The following DNAJC12 variants were observed in gnomAD, a reference collection of about 807,000 sequenced individuals.
DNAJC12 encodes dnaJ homolog subfamily C member 12.
Under a neutral mutation model 28.5 loss-of-function variants are expected in DNAJC12, and 25 were observed. The ratio of observed to expected loss-of-function variants is 0.88; its 90% confidence interval spans 0.64 to 1.22. DNAJC12 has a LOEUF of 1.22. Among genes scored for constraint, DNAJC12 ranks in the 50% most tolerant of loss-of-function variants. The pLI is 0.00. For synonymous variants in DNAJC12, 77 were observed against 80.6 expected (o/e 0.95, Z 0.24); for missense variants, 222 against 231.7 (o/e 0.96, Z 0.27).
At chr10:67,811,738 C>A in intron 2 of DNAJC12, 75 bp from the exon 3 acceptor site, 1 of 1,535,952 alleles carries the variant, frequency 6.5e-7, no homozygotes, top group South Asian at 1.3e-5. Flanking sequence ...TCCAACTGCT[C>A]TTACTAAAAC....
intron 3 of DNAJC12, among the ~76,000 whole-genome samples, chr10:67,806,911 T>C (rs1841808339): frequency 6.6e-6 from 1 of 152,110 alleles, no homozygotes. Context: ...TTACATCTTT[T>C]GTTTTTGTAT....
At chr10:67,814,635 GA>G (rs1841896207) in intron 2 of DNAJC12, among the ~76,000 whole-genome samples, 1 of 152,164 alleles carries the variant, frequency 6.6e-6, no homozygotes, top group Non-Finnish European at 1.5e-5. Flanking sequence ...CTTATATCTA[GA>G]ATTTATAGAG....
chr10:67,809,328 C>T lies in DNAJC12; in HGVS notation c.297+2196G>A, dbSNP rs978860996. ...TTTAGCATGACAAAGATACATTTCC[C>T]TAAGATTCTCTGGAATCCTGGGATA... On this transcript the variant is annotated intron_variant, in intron 3 of 4. Transcript: ENST00000225171. 7.2e-5 allele frequency among the ~76,000 whole-genome samples: 11 copies of T among 152,190 alleles called. No individual in the cohort carries two copies. In the South Asian group the frequency reaches 1.5e-3, roughly 20 times the overall value.
At chr10:67,801,914 T>G (rs1841750414) in intron 4 of DNAJC12, among the ~76,000 whole-genome samples, 1 of 125,078 alleles carries the variant, frequency 8.0e-6, no homozygotes, top group Admixed American at 1.0e-4. Context: ...CAGGCTGGAG[T>G]GCAGTGGCAG....
chr10:67,830,205 G>A (rs1842078936), intron 1 of DNAJC12, among the ~76,000 whole-genome samples: 2 of 152,218 alleles, frequency 1.3e-5, no homozygotes, highest in South Asian at 4.1e-4. Context: ...CAGCTACTTG[G>A]GAGGCTGAGA....
At chr10:67,813,995 G>A (rs1841888783) in intron 2 of DNAJC12, among the ~76,000 whole-genome samples, 2 of 147,390 alleles carry the variant, frequency 1.4e-5, no homozygotes, top group Admixed American at 1.4e-4. Context: ...TGACAATCTA[G>A]TCCTAAAATC....
At chr10:67,801,684 G>A (rs1841745935) in intron 4 of DNAJC12, among the ~76,000 whole-genome samples, 1 of 151,310 alleles carries the variant, frequency 6.6e-6, no homozygotes, top group Non-Finnish European at 1.5e-5. Flanking sequence ...CAGCTACTTG[G>A]GAGGCTGAGG....
chr10:67,805,835 G>T (rs2131792195), intron 3 of DNAJC12, 48 bp from the exon 4 acceptor site: 2 of 1,409,090 alleles, frequency 1.4e-6, no homozygotes, highest in East Asian at 2.5e-5. Context: ...GATATTATAT[G>T]ATTTTCTATA....
intron 3 of DNAJC12, among the ~76,000 whole-genome samples, chr10:67,806,089 C>T (rs966916702): frequency 4.6e-5 from 7 of 152,142 alleles, no homozygotes; most frequent in Non-Finnish European, 1.0e-4. Flanking sequence ...GATGGATGAA[C>T]TAACAAATGA....
chr10:67,806,865 C>G (rs1159318983), intron 3 of DNAJC12, among the ~76,000 whole-genome samples: 1 of 151,258 alleles, frequency 6.6e-6, no homozygotes, highest in Admixed American at 6.6e-5. Context: ...AGGAAAGGCA[C>G]CAAAATATAA....
At chr10:67,826,592 TA>T (rs1436672220) in intron 1 of DNAJC12, among the ~76,000 whole-genome samples, 1 of 136,594 alleles carries the variant, frequency 7.3e-6, no homozygotes, top group Non-Finnish European at 1.5e-5. Context: ...CATCTAATGA[TA>T]TATATAAGAT....
At chr10:67,807,104 A>G (rs1013884416) in intron 3 of DNAJC12, among the ~76,000 whole-genome samples, 4 of 151,624 alleles carry the variant, frequency 2.6e-5, no homozygotes, top group African/African-American at 9.7e-5. Context: ...TACTTAAAAA[A>G]ACAAAAATTA....
At chr10:67,835,329 A>G (rs1209584560) in intron 1 of DNAJC12, among the ~76,000 whole-genome samples, 1 of 152,222 alleles carries the variant, frequency 6.6e-6, no homozygotes, top group African/African-American at 2.4e-5. Context: ...ATACAAATCA[A>G]GTAAAGGAAA....
In DNAJC12 at chr10:67,819,714, GGAAGC is replaced by G. The variant is rs1564863318; in HGVS notation, c.157+3595_157+3599del. 6.6e-4 allele frequency among the ~76,000 whole-genome samples: 9 copies of G among 13,726 alleles called. 1 individual carries two copies. Among genetic ancestry groups the G allele is most frequent in the African/African-American group, 1.9e-3 (9 of 4,864 alleles). 9.0% of individuals were successfully genotyped at this position (13,726 alleles called of 152,430 possible). On this transcript the variant is annotated intron_variant, in intron 2 of 4. Coordinates refer to ENST00000225171, the MANE Select transcript of DNAJC12 (RefSeq NM_021800.3). ...AGAAAGAAAGGAAGGAAGGAAGGAA[GGAAGC>G]AAGGAAGGAAGGAAGGAAGGAAGGA...
rs989516463 is a variant in DNAJC12, at chr10:67,796,969, A to G, written c.*147T>C. ...TTCTTATTTAAAAAGCATTATGAGA[A>G]CTGATTCAAGGATGGAGGAATCAAT... On this transcript the variant is annotated 3_prime_UTR_variant, in exon 5 of 5. Transcript: ENST00000225171. 19 of 528,786 alleles carry G rather than the reference A, an allele frequency of 3.6e-5. No individual in the cohort carries two copies. Among genetic ancestry groups the G allele is most frequent in the Non-Finnish European group, 2.3e-5 (7 of 302,436 alleles). The allele number at this position is 528,786 out of a possible 1,614,324, so 32.8% of individuals were successfully genotyped here.
rs753374676 is a variant in DNAJC12 at position 67,805,601 on chromosome 10, G to A, written c.484C>T (p.Gln162Ter). Residue 162 changes from glutamine to a stop codon, truncating the protein, a stop_gained, in exon 4 of 5, where the codon CAA (glutamine) becomes TAA (stop). Coordinates refer to ENST00000225171, the MANE Select transcript of DNAJC12 (RefSeq NM_021800.3). LOFTEE classifies it high-confidence loss of function. ...GACTTACCTGAAGAATCTGAATTTT[G>A]CGGGGAGACTGACTTCTCTAGGGGC... is the stretch of plus-strand genomic sequence containing the variant. ...PKPLEKSVSPQNSDSSGFADV... is the reference protein window; with the variant it reads ...PKPLEKSVSP 32 of 1,608,484 alleles carry A rather than the reference G, an allele frequency of 2.0e-5. No homozygotes were observed. The highest frequency in any genetic ancestry group is 5.1e-5 in the Admixed American group (3 of 58,422).
chr10:67,827,314 G>A (rs969060676), intron 1 of DNAJC12, among the ~76,000 whole-genome samples: 3 of 151,476 alleles, frequency 2.0e-5, no homozygotes, highest in Non-Finnish European at 2.9e-5. Context: ...TTGAGCCCAG[G>A]AGGTGGAGGT....
intron 3 of DNAJC12, chr10:67,811,078 T>C (rs571851318): frequency 6.2e-6 from 1 of 160,252 alleles, no homozygotes; most frequent in African/African-American, 2.4e-5. Context: ...TTAATAGGAA[T>C]AATTCATGGC....
chr10:67,830,049 C>T (rs1036400191), intron 1 of DNAJC12, among the ~76,000 whole-genome samples: 8 of 152,122 alleles, frequency 5.3e-5, no homozygotes, highest in African/African-American at 1.4e-4. Context: ...TGCAGTGGCT[C>T]ACACCTGTAA....
Sources: allele counts gnomAD v4.1 joint callset (sites outside exome capture counted in the v4.1 genomes callset), GRCh38; gene constraint gnomAD v4.1.1; transcripts MANE v1.5; gene names NCBI Gene and HGNC (gene_info 2026-07-23, HGNC 2026-07-21).